Variants in AMPD3 observed in about 807,000 individuals in gnomAD.
The protein encoded by AMPD3 is adenosine monophosphate deaminase 3, also known as AMP deaminase 3.
Under a neutral mutation model 82.3 loss-of-function variants are expected in AMPD3, and 57 were observed. The ratio of observed to expected loss-of-function variants is 0.69; its 90% CI spans 0.56 to 0.86. AMPD3 has a LOEUF of 0.86. Ranked by LOEUF, AMPD3 falls within the 40% of genes least tolerant of loss-of-function variation. The pLI is 0.00. For synonymous variants in AMPD3, 381 were observed against 394.7 expected, an observed-to-expected ratio of 0.97 and a Z score of 0.41; for missense variants, 870 against 1,003.8, an observed-to-expected ratio of 0.87 and a Z score of 1.80.
Position 10,484,958 on chromosome 11 carries a change from C to T in AMPD3, c.728C>T (p.Pro243Leu), listed in dbSNP as rs754789645. 96 of 1,613,868 alleles carry T rather than the reference C, an allele frequency of 5.9e-5. No homozygotes were observed. Among genetic ancestry groups the T allele is most frequent in the South Asian group, 1.8e-4 (16 of 91,082 alleles). ...AAGAAGATGCTGGAGCACCAGGAGC[C>T]GCACAGCCTACCCTACCCCGACCTG... ...DNKKMLEHQE[P>L]HSLPYPDLET... Residue 243 changes from proline (P) to leucine (L), a missense_variant, in exon 5 of 15, where the codon CCG (proline) becomes CTG (leucine). Pro to Leu is a moderately conservative substitution (Grantham distance 98, BLOSUM62 -3). Transcript: ENST00000396553.
At chr11:10,460,083 T>A (rs1001041109) in intron 1 of AMPD3, among the ~76,000 whole-genome samples, 72 of 143,112 alleles carry the variant, frequency 5.0e-4, no homozygotes, top group African/African-American at 1.5e-3. Flanking sequence ...AATATATATT[T>A]TATATATATA....
At chr11:10,504,434 A>G in intron 13 of AMPD3, 115 bp from the exon 14 acceptor site, 4 of 1,139,818 alleles carry the variant, frequency 3.5e-6, no homozygotes, top group Non-Finnish European at 4.0e-6. Flanking sequence ...TCCAGGTGCC[A>G]TTTAGTGAGG....
rs1849348289 is a variant in AMPD3 at position 10,494,934 on chromosome 11, C to A, written c.1170C>A (p.Asn390Lys). ...RQTFHRFDKF[N>K]SKYNPVGASE... ...CATTCCACCGCTTTGACAAGTTCAA[C>A]TCCAAATACAACCCTGTGGGGGCCA... The change falls in exon 8 of 15, where the codon AAC becomes AAA. Residue 390 changes from asparagine (N) to lysine (K), a missense_variant. Physicochemically the swap from Asn to Lys is moderately conservative, Grantham distance 94. Transcript: ENST00000396553. The A allele has an allele frequency of 6.2e-7, 1 of 1,614,128 alleles. No individual in the cohort carries two copies. Among genetic ancestry groups the A allele is most frequent in the Non-Finnish European group, 8.5e-7 (1 of 1,180,048 alleles).
intron 6 of AMPD3, among the ~76,000 whole-genome samples, chr11:10,488,021 A>G (rs1173429423): frequency 1.3e-5 from 2 of 152,228 alleles, no homozygotes; most frequent in African/African-American, 4.8e-5. Context: ...AAAAAAAAAA[A>G]AGATCTCTCT....
intron 13 of AMPD3, among the ~76,000 whole-genome samples, chr11:10,503,205 G>T (rs1249101452): frequency 6.6e-6 from 1 of 152,172 alleles, no homozygotes; most frequent in African/African-American, 2.4e-5. Flanking sequence ...TTCTTCATCT[G>T]TAAAATGGAG....
chr11:10,498,959 G>A (rs1444567007), intron 10 of AMPD3, among the ~76,000 whole-genome samples: 1 of 152,208 alleles, frequency 6.6e-6, no homozygotes, highest in Non-Finnish European at 1.5e-5. Context: ...GCCCCCCAGG[G>A]GTCCCAGCCA....
intron 6 of AMPD3, chr11:10,490,745 C>G (rs1202872029): frequency 1.6e-5 from 12 of 729,198 alleles, no homozygotes; most frequent in Non-Finnish European, 2.0e-5. Flanking sequence ...AGGACAGGAC[C>G]AGAAAGCCCA....
At chr11:10,465,725 A>G (rs541922195) in intron 2 of AMPD3, among the ~76,000 whole-genome samples, 16 of 152,146 alleles carry the variant, frequency 1.1e-4, no homozygotes, top group Non-Finnish European at 2.1e-4. Flanking sequence ...CCTGCAGACC[A>G]GGAGACTGCC....
chr11:10,498,530 G>A (rs1397125228), intron 10 of AMPD3: 3 of 152,584 alleles, frequency 2.0e-5, no homozygotes, highest in Admixed American at 6.5e-5. Flanking sequence ...TATGGAGCTA[G>A]TGAGCACAGA....
intron 13 of AMPD3, 58 bp downstream of exon 13, chr11:10,502,952 C>T: frequency 6.3e-7 from 1 of 1,583,740 alleles, no homozygotes; most frequent in South Asian, 1.1e-5. Context: ...CTAGCCTGTC[C>T]TCCCATTTCA....
At chr11:10,501,901 TAATG>T in intron 12 of AMPD3, 2 of 984,560 alleles carry the variant, frequency 2.0e-6, no homozygotes, top group Non-Finnish European at 2.4e-6. Flanking sequence ...TTTATTATCA[TAATG>T]AACACAGAAT....
rs571427952 is a variant in AMPD3 at position 10,456,977 on chromosome 11, C to CT, written c.-6+1547dup. Reference sequence around the variant, plus strand: ...TTGTTGTGGTTGCTGTTGTTTCTTGCTTTTTTTTTTTTTTTTTTGAGAGAA... The same window carrying CT: ...TTGTTGTGGTTGCTGTTGTTTCTTGCTTTTTTTTTTTTTTTTTTTGAGAGAA... On this transcript the variant is annotated intron_variant, in intron 1 of 14. Transcript: ENST00000396553. The surrounding 1 kb of genome is among the most constrained non-coding windows in gnomAD (Gnocchi z 4.3). Among the ~76,000 whole-genome samples the CT allele has an allele frequency of 0.23, 29,753 of 129,168 alleles. 3,775 individuals are homozygous for CT. The highest frequency in any genetic ancestry group is 0.3 in the Middle Eastern group (75 of 250). The allele number at this position is 129,168 out of a possible 152,430, so 84.7% of individuals were successfully genotyped here. A position where few individuals can be genotyped will look rare whatever the true frequency, so the allele number is the denominator to read the frequency against.
upstream of AMPD3, among the ~76,000 whole-genome samples, chr11:10,452,491 C>T (rs947231298): frequency 3.9e-5 from 6 of 152,140 alleles, no homozygotes; most frequent in Non-Finnish European, 7.4e-5. Context: ...GTACAGTCAC[C>T]GAGAAGTACC....
intron 2 of AMPD3, among the ~76,000 whole-genome samples, chr11:10,474,594 G>A (rs1848685014): frequency 6.6e-6 from 1 of 152,204 alleles, no homozygotes; most frequent in African/African-American, 2.4e-5. Flanking sequence ...GGTGCTGGGA[G>A]GTAAGATGCT....
rs536925443 is a variant in AMPD3 at position 10,500,815 on chromosome 11, G to A, written c.1721+566G>A. 4.0e-5 allele frequency: 39 copies of A among 985,424 alleles called. No homozygotes were observed. In the East Asian group the frequency reaches 6.8e-4, roughly 17 times the overall value. The allele number at this position is 985,424 out of a possible 1,614,324, so 61.0% of individuals were successfully genotyped here. A position where few individuals can be genotyped will look rare whatever the true frequency, so the allele number is the denominator to read the frequency against. On this transcript the variant is annotated intron_variant, in intron 11 of 14. Coordinates refer to ENST00000396553, the MANE Select transcript of AMPD3 (RefSeq NM_001025389.2). Reference sequence around the variant, plus strand: ...CAATACGCACACAGACGAGGCACACGTGGCCAGGAGTTAGCTGCCCAGGGC... The same window carrying A: ...CAATACGCACACAGACGAGGCACACATGGCCAGGAGTTAGCTGCCCAGGGC...
At chr11:10,462,617 A>G (rs554679303) in intron 2 of AMPD3, among the ~76,000 whole-genome samples, 27 of 152,324 alleles carry the variant, frequency 1.8e-4, no homozygotes, top group Middle Eastern at 3.4e-3. Context: ...TCCTGCTGGC[A>G]CACTTGGGAA....
At chr11:10,470,519 C>A (rs938458896) in intron 2 of AMPD3, among the ~76,000 whole-genome samples, 4 of 152,184 alleles carry the variant, frequency 2.6e-5, no homozygotes, top group African/African-American at 9.7e-5. Flanking sequence ...AAGAGGAAGT[C>A]AAATTGTCTC....
In AMPD3 at chr11:10,478,507, C is replaced by G; in HGVS notation, c.222-19C>G. On this transcript the variant is annotated intron_variant, in intron 2 of 14. Transcript: ENST00000396553. ...TTAGCTTCTGATGTCTCCCACTTTT[C>G]CTTGTCCTTGGCTCTTAGAAAGAAA... The G allele has an allele frequency of 6.2e-7, 1 of 1,614,024 alleles. No homozygotes were observed.
chr11:10,504,634 T>A lies in AMPD3; in HGVS notation c.2102T>A (p.Val701Glu). The change falls in exon 14 of 15, where the codon GTG becomes GAG. Residue 701 changes from valine to glutamate, a missense_variant. Physicochemically the swap from Val to Glu is moderately radical, Grantham distance 121 (BLOSUM62 -2). Transcript: ENST00000396553. ...CDLCEIARNS[V>E]LQSGLSHQEK... ...CTGTGTGAGATCGCCAGGAACAGCG[T>A]GCTGCAGAGCGGCCTCTCGCATCAG... 10 of 1,614,208 alleles carry A rather than the reference T, an allele frequency of 6.2e-6. No individual in the cohort carries two copies. The highest frequency in any genetic ancestry group is 8.5e-6 in the Non-Finnish European group (10 of 1,180,028).
Sources: gnomAD v4.1 joint callset for allele counts (sites outside exome capture counted in the v4.1 genomes callset) on GRCh38, gnomAD v4.1.1 for gene constraint, Gnocchi (gnomAD v3.1) non-coding constraint, MANE v1.5 for transcripts, NCBI Gene and HGNC (gene_info 2026-07-23, HGNC 2026-07-21) for gene names.